TPCN1: variants seen among roughly 807,000 people sequenced by gnomAD.
TPCN1 encodes the protein two pore segment channel 1.
Under a neutral mutation model 108.8 loss-of-function variants are expected in TPCN1, and 52 were observed. That is an observed-to-expected ratio of 0.48 (90% CI 0.38 to 0.60). The LOEUF (loss-of-function observed/expected upper bound fraction) is 0.60, where lower values mean the gene tolerates loss of function less well. Among genes scored for constraint, TPCN1 ranks in the 20% least tolerant of loss-of-function variants. The pLI, the probability that TPCN1 is intolerant of heterozygous loss-of-function variation, is 0.00. For missense variants in TPCN1, 806 were observed against 1,072.8 expected (o/e 0.75, Z 3.47); for synonymous variants, 446 against 433.7 (o/e 1.03, Z -0.35).
At chr12:113,233,543 G>T (rs964523446) in intron 2 of TPCN1, among the ~76,000 whole-genome samples, 1 of 152,264 alleles carries the variant, frequency 6.6e-6, no homozygotes, top group Non-Finnish European at 1.5e-5. Flanking sequence ...TGCTCCAGGA[G>T]CCCTGGGTGG....
At chr12:113,265,947 C>A (rs1955243684) in intron 3 of TPCN1, among the ~76,000 whole-genome samples, 1 of 152,176 alleles carries the variant, frequency 6.6e-6, no homozygotes, top group South Asian at 2.1e-4. Flanking sequence ...TCTTTGGTTC[C>A]TCCGAGTGGT....
At chr12:113,274,643 G>A (rs776487345) in intron 10 of TPCN1, among the ~76,000 whole-genome samples, 1 of 152,208 alleles carries the variant, frequency 6.6e-6, no homozygotes, top group Non-Finnish European at 1.5e-5. Flanking sequence ...CTGGCATTTA[G>A]TAAGCCTTAG....
intron 25 of TPCN1, 92 bp from the exon 26 acceptor site, chr12:113,292,842 C>T (rs1228525492): frequency 2.8e-6 from 4 of 1,435,910 alleles, no homozygotes; most frequent in Non-Finnish European, 3.8e-6. Flanking sequence ...ACCTTAAGAC[C>T]CCCTGCGGAA....
chr12:113,247,994 A>G (rs990960316), intron 2 of TPCN1, among the ~76,000 whole-genome samples: 12 of 152,152 alleles, frequency 7.9e-5, no homozygotes, highest in Admixed American at 3.3e-4. Context: ...CTTGAGTCTT[A>G]TTCTCCCCTT....
rs1405882806 is a variant in TPCN1 at position 113,246,773 on chromosome 12, G to T, written c.113-13595G>T. ...CCTGGAAGAACCCGTTCTGCTCTGG[G>T]CAAGAACAGTGCCAAGGTCAGAGGC... On this transcript the variant is annotated intron_variant, in intron 2 of 27. Transcript: ENST00000335509. 2.0e-5 allele frequency among the ~76,000 whole-genome samples: 3 copies of T among 152,220 alleles called. No homozygotes were observed. In the East Asian group the frequency reaches 5.8e-4, roughly 29 times the overall value.
rs139319235 is a variant in TPCN1, at chr12:113,225,200, A to G, written c.-125-1528A>G. On this transcript the variant is annotated intron_variant, in intron 1 of 27. Coordinates refer to ENST00000335509, the MANE Select transcript of TPCN1 (RefSeq NM_017901.6). ...CTCCCAAGCAGCTAGGCCTACAGGC[A>G]TATGCCATCATACCCAGCTAATTTA... The G allele has an allele frequency of 1.1e-5, 5 of 452,458 alleles. No individual in the cohort carries two copies. In the East Asian group the frequency reaches 2.8e-4, roughly 25 times the overall value. 28.0% of individuals were successfully genotyped at this position (452,458 alleles called of 1,614,324 possible).
rs1953730074 is a variant in TPCN1, at chr12:113,232,642, G to A, written c.112+5678G>A. On this transcript the variant is annotated intron_variant, in intron 2 of 27. Coordinates refer to ENST00000335509, the MANE Select transcript of TPCN1 (RefSeq NM_017901.6). The surrounding 1 kb of genome is among the most constrained non-coding windows in gnomAD (Gnocchi z 5.6). ...GTGGTTGAGCTGAGTATAGTGCTTAGCTGCTCTAAGCCTCAGCCTGCTCAT... is the reference window on the plus strand; with the variant it reads ...GTGGTTGAGCTGAGTATAGTGCTTAACTGCTCTAAGCCTCAGCCTGCTCAT... Among the ~76,000 whole-genome samples the A allele has an allele frequency of 6.6e-6, 1 of 152,234 alleles. No homozygotes were observed. The highest frequency in any genetic ancestry group is 2.4e-5 in the African/African-American group (1 of 41,450).
Position 113,288,947 on chromosome 12 carries a change from A to T in TPCN1, c.1796+100A>T. 1.6e-6 allele frequency: 2 copies of T among 1,218,070 alleles called. No homozygotes were observed. The highest frequency in any genetic ancestry group is 2.4e-5 in the South Asian group (2 of 81,948). The allele number at this position is 1,218,070 out of a possible 1,614,324, so 75.5% of individuals were successfully genotyped here. A position where few individuals can be genotyped will look rare whatever the true frequency, so the allele number is the denominator to read the frequency against. The stretch of plus-strand genomic sequence containing the variant: ...CCTTGTGGCCTTGGGGTCCTCGGGG[A>T]TGTTCCTGTCTAAGCAACCACCTTG... On this transcript the variant is annotated intron_variant, in intron 21 of 27. Coordinates refer to ENST00000335509, the MANE Select transcript of TPCN1 (RefSeq NM_017901.6). The surrounding 1 kb of genome is among the most constrained non-coding windows in gnomAD (Gnocchi z 4.8).
chr12:113,285,858 G>C, intron 17 of TPCN1, 31 bp from the exon 18 acceptor site: 1 of 1,596,228 alleles, frequency 6.3e-7, no homozygotes, highest in Non-Finnish European at 8.6e-7. Context: ...ATGTGGCGGG[G>C]CTGCTGCCGA....
Position 113,288,695 on chromosome 12 carries a change from G to T in TPCN1, c.1707-63G>T. The T allele has an allele frequency of 6.3e-7, 1 of 1,598,556 alleles. No individual in the cohort carries two copies. Among genetic ancestry groups the T allele is most frequent in the Non-Finnish European group, 8.5e-7 (1 of 1,176,164 alleles). On this transcript the variant is annotated intron_variant, in intron 20 of 27. Coordinates refer to ENST00000335509, the MANE Select transcript of TPCN1 (RefSeq NM_017901.6). This position sits in a 1 kb window ranked among gnomAD's most constrained non-coding sequence, Gnocchi z 4.8. ...CAGCCCCACGGGTCCGAGGAGGCCG[G>T]GGCTGCAGAGGAGCCGTTCCCTCCT...
At position 113,260,501 on chromosome 12, in the gene TPCN1, C is replaced by T; in HGVS notation, c.237+9C>T. The T allele has an allele frequency of 6.4e-7, 1 of 1,569,346 alleles. No individual in the cohort carries two copies. Among genetic ancestry groups the T allele is most frequent in the Non-Finnish European group, 8.6e-7 (1 of 1,161,348 alleles). On this transcript the variant is annotated intron_variant, in intron 3 of 27. Transcript: ENST00000335509. Reference sequence around the variant, plus strand: ...CAGCAATCTACCTCCAGGTGAGTATCTCCAGTCAGGCCCTGGCAGTTGTCT... The same window carrying T: ...CAGCAATCTACCTCCAGGTGAGTATTTCCAGTCAGGCCCTGGCAGTTGTCT...
rs1566185580 is a variant in TPCN1, at chr12:113,276,915, A to G, written c.943-4A>G. On this transcript the variant is annotated splice_region_variant and splice_polypyrimidine_tract_variant and intron_variant, in intron 10 of 27. Coordinates refer to ENST00000335509, the MANE Select transcript of TPCN1 (RefSeq NM_017901.6). ...AGCTAGGGCTCTGTGCTTCTCTCCC[A>G]CAGCTTCTGGCTGTGGTGTTCGACA... 9.9e-6 allele frequency: 16 copies of G among 1,609,976 alleles called. No individual in the cohort carries two copies. The highest frequency in any genetic ancestry group is 1.3e-5 in the Non-Finnish European group (15 of 1,176,676).
intron 23 of TPCN1, 57 bp downstream of exon 23, chr12:113,291,055 G>T: frequency 6.6e-7 from 1 of 1,512,276 alleles, no homozygotes. Context: ...GTCGGCCCTG[G>T]GTCTCCCCCA....
intron 2 of TPCN1, among the ~76,000 whole-genome samples, chr12:113,252,194 C>G (rs1036082577): frequency 6.6e-6 from 1 of 152,098 alleles, no homozygotes; most frequent in African/African-American, 2.4e-5. Context: ...ATCTCTCACC[C>G]AAACCAGGAC....
intron 2 of TPCN1, among the ~76,000 whole-genome samples, chr12:113,243,791 A>T (rs1444310903): frequency 6.7e-6 from 1 of 150,032 alleles, no homozygotes; most frequent in African/African-American, 2.4e-5. Flanking sequence ...AAAATAAAAA[A>T]AGTTTAGAAA....
At chr12:113,274,313 T>G (rs2136658387) in intron 10 of TPCN1, among the ~76,000 whole-genome samples, 1 of 152,136 alleles carries the variant, frequency 6.6e-6, no homozygotes, top group East Asian at 1.9e-4. Context: ...CTGGGCGTGG[T>G]GGTGGGTGCC....
intron 18 of TPCN1, among the ~76,000 whole-genome samples, chr12:113,286,350 T>C (rs918396531): frequency 6.9e-6 from 1 of 144,986 alleles, no homozygotes; most frequent in Admixed American, 6.9e-5. Flanking sequence ...CCCCAGAGCG[T>C]TGGAGGTCAC....
chr12:113,237,800 G>A (rs957116059), intron 2 of TPCN1, among the ~76,000 whole-genome samples: 1 of 152,240 alleles, frequency 6.6e-6, no homozygotes, highest in Non-Finnish European at 1.5e-5. Context: ...TGGGCATGGA[G>A]GAAGCAGCTA....
Position 113,273,781 on chromosome 12 carries a change from T to G in TPCN1, c.942+113T>G. On this transcript the variant is annotated intron_variant, in intron 10 of 27. Transcript: ENST00000335509. The surrounding 1 kb of genome is among the most constrained non-coding windows in gnomAD (Gnocchi z 4.0). The stretch of plus-strand genomic sequence containing the variant: ...GTCTTCTGCCTCTCAGGGCAGAACG[T>G]TGGGGCAGGAAGTCCCAGATTCATA... 1 of 907,366 alleles carries G rather than the reference T, an allele frequency of 1.1e-6. No homozygotes were observed. Among genetic ancestry groups the G allele is most frequent in the East Asian group, 2.4e-5 (1 of 41,518 alleles). 56.2% of individuals were successfully genotyped at this position (907,366 alleles called of 1,614,324 possible). A position where few individuals can be genotyped will look rare whatever the true frequency, so the allele number is the denominator to read the frequency against.
Sources: allele counts gnomAD v4.1 joint callset (sites outside exome capture counted in the v4.1 genomes callset), GRCh38; gene constraint gnomAD v4.1.1; non-coding constraint Gnocchi (gnomAD v3.1); transcripts MANE v1.5; gene names NCBI Gene and HGNC (gene_info 2026-07-23, HGNC 2026-07-21).